The following ZNF132 variants were observed in gnomAD, a reference collection of about 807,000 sequenced individuals.
ZNF132 encodes the protein zinc finger protein 132 (clone pHZ-12).
ZNF132 carries 6 observed loss-of-function variants against 9.3 expected under a neutral mutation model. The observed-to-expected ratio is 0.65, with a 90% CI of 0.35 to 1.28. The LOEUF (loss-of-function observed/expected upper bound fraction) is 1.28, where lower values mean the gene tolerates loss of function less well. ZNF132 is among the 50% of genes most tolerant of loss of function. The pLI is 0.03. For missense variants in ZNF132, 877 were observed against 843.2 expected (o/e 1.04, Z -0.50); for synonymous variants, 296 against 292.0 (o/e 1.01, Z -0.14).
chr19:58,439,692 A>G, intron 1 of ZNF132, 67 bp downstream of exon 1: 5 of 1,457,822 alleles, frequency 3.4e-6, no homozygotes, highest in Non-Finnish European at 4.6e-6. Flanking sequence ...CATCCCCTCT[A>G]TCTGGGCTTC....
In ZNF132 at chr19:58,433,361, G is replaced by A. The variant is rs1335399675; in HGVS notation, c.2083C>T (p.Leu695Phe). Residue 695 changes from leucine to phenylalanine, a missense_variant, in exon 3 of 3, where the codon CTT becomes TTT. Coordinates refer to ENST00000254166, the MANE Select transcript of ZNF132 (RefSeq NM_003433.4). ...TTTTTATGCTGTGCAAGGTTACAAAGATGGCTGAAGAGTTTCCCACACTGG... is the reference window on the plus strand; with the variant it reads ...TTTTTATGCTGTGCAAGGTTACAAAAATGGCTGAAGAGTTTCCCACACTGG... ...CSQCGKLFSH[L>F]CNLAQHKKIH... The A allele has an allele frequency of 6.2e-7, 1 of 1,614,182 alleles. No homozygotes were observed. The highest frequency in any genetic ancestry group is 8.5e-7 in the Non-Finnish European group (1 of 1,180,020).
Position 58,434,818 on chromosome 19 carries a change from TGGA to T in ZNF132, c.623_625del (p.Leu208del). 6.2e-7 allele frequency: 1 copy of T among 1,614,196 alleles called. No individual in the cohort carries two copies. Among genetic ancestry groups the T allele is most frequent in the South Asian group, 1.1e-5 (1 of 91,080 alleles). Reference sequence around the variant, plus strand: ...CTGCCCACTGTCAACAGCTTGAAGCTGGAGGAGGTCACAGCTGCCCAGGATGAC... The same window carrying T: ...CTGCCCACTGTCAACAGCTTGAAGCTGGAGGTCACAGCTGCCCAGGATGAC... On this transcript the variant is annotated inframe_deletion, in exon 3 of 3. Transcript: ENST00000254166.
chr19:58,439,955 T>A lies in ZNF132; in HGVS notation c.-134A>T. The A allele has an allele frequency of 1.1e-6, 1 of 895,634 alleles. No homozygotes were observed. The highest frequency in any genetic ancestry group is 3.1e-4 in the Middle Eastern group (1 of 3,246). The allele number at this position is 895,634 out of a possible 1,614,324, so 55.5% of individuals were successfully genotyped here. Reference sequence around the variant, plus strand: ...CTCTGGGCACCGCAGGGACGAAGGCTGGGTATGGAGACCCTGGAGACGCGT... The same window carrying A: ...CTCTGGGCACCGCAGGGACGAAGGCAGGGTATGGAGACCCTGGAGACGCGT... On this transcript the variant is annotated 5_prime_UTR_variant, in exon 1 of 3. Transcript: ENST00000254166.
rs540412861 is a variant in ZNF132 at position 58,438,559 on chromosome 19, C to T, written c.63+1200G>A. ...CGCGATCTTGGCTCACTGCAAGCTC[C>T]GCCTCCCGGGTTCAAGCCATTCTCC... On this transcript the variant is annotated intron_variant, in intron 1 of 2. Coordinates refer to ENST00000254166, the MANE Select transcript of ZNF132 (RefSeq NM_003433.4). Among the ~76,000 whole-genome samples, 35 of 151,108 alleles carry T rather than the reference C, an allele frequency of 2.3e-4. 1 individual carries two copies. The East Asian group carries it at 5.6e-3, about 24-fold the overall frequency.
In ZNF132 at chr19:58,434,428, C is replaced by T; in HGVS notation, c.1016G>A (p.Arg339Lys). The stretch of plus-strand genomic sequence containing the variant: ...ATAAGGTCTTTCTCCTGAGTGAATT[C>T]TCTGATGATGAACAAATGTGAGTTT... ...NHKLTFVHHQ[R>K]IHSGERPYEC... The change falls in exon 3 of 3, where the codon AGA becomes AAA. Residue 339 changes from arginine (R) to lysine (K), a missense_variant. By Grantham distance (26) the Arg-to-Lys change is conservative. Coordinates refer to ENST00000254166, the MANE Select transcript of ZNF132 (RefSeq NM_003433.4). The T allele has an allele frequency of 6.2e-7, 1 of 1,614,242 alleles. No homozygotes were observed. Among genetic ancestry groups the T allele is most frequent in the Non-Finnish European group, 8.5e-7 (1 of 1,180,040 alleles).
chr19:58,436,422 T>C (rs1475043834), intron 2 of ZNF132: 1 of 155,760 alleles, frequency 6.4e-6, no homozygotes, highest in Non-Finnish European at 1.4e-5. Context: ...ATCCCAGCAC[T>C]TTGGGAGGCT....
At position 58,433,945 on chromosome 19, in the gene ZNF132, G is replaced by A. The variant is rs150997705; in HGVS notation, c.1499C>T (p.Ser500Phe). 2 of 1,614,144 alleles carry A rather than the reference G, an allele frequency of 1.2e-6. No homozygotes were observed. The highest frequency in any genetic ancestry group is 1.3e-5 in the African/African-American group (1 of 75,008). Reference sequence around the variant, plus strand: ...TACTTTCTGGTGCTGGATGAGGGTGGAGCTATTACTGAAGGCTTTACCACA... The same window carrying A: ...TACTTTCTGGTGCTGGATGAGGGTGAAGCTATTACTGAAGGCTTTACCACA... ...CDCGKAFSNS[S>F]TLIQHQKVHT... Residue 500 changes from serine to phenylalanine, a missense_variant, in exon 3 of 3, where the codon TCC (serine) becomes TTC (phenylalanine). Ser to Phe is a radical substitution (Grantham distance 155). Coordinates refer to ENST00000254166, the MANE Select transcript of ZNF132 (RefSeq NM_003433.4).
In ZNF132 at chr19:58,435,128, C is replaced by A; in HGVS notation, c.316G>T (p.Ala106Ser). The A allele has an allele frequency of 6.2e-7, 1 of 1,614,186 alleles. No individual in the cohort carries two copies. The highest frequency in any genetic ancestry group is 8.5e-7 in the Non-Finnish European group (1 of 1,180,036). Residue 106 changes from alanine to serine, a missense_variant, in exon 3 of 3, where the codon GCA becomes TCA. Transcript: ENST00000254166. Reference sequence around the variant, plus strand: ...TTAGCTTTCTTGGTGGAAGGATCTGCATTAGGGATCCTGACCTGTAACACT... The same window carrying A: ...TTAGCTTTCTTGGTGGAAGGATCTGAATTAGGGATCCTGACCTGTAACACT... ...VEVLQVRIPN[A>S]DPSTKKANSC...
Position 58,433,633 on chromosome 19 carries a change from C to T in ZNF132, c.1811G>A (p.Cys604Tyr). ...GGATTTTCGGCTAAAGAATTTCCCA[C>T]ATTCACTGCATTTATAAGGCTTTTC... ...TGEKPYKCSECGKFFSRKSSL... is the reference protein window; with the variant it reads ...TGEKPYKCSEYGKFFSRKSSL... Residue 604 changes from cysteine (C) to tyrosine (Y), a missense_variant, in exon 3 of 3, where the codon TGT (cysteine) becomes TAT (tyrosine). By Grantham distance (194) the Cys-to-Tyr change is radical. Transcript: ENST00000254166. The T allele has an allele frequency of 6.2e-7, 1 of 1,614,226 alleles. No homozygotes were observed.
chr19:58,438,940 T>A (rs2052787477), intron 1 of ZNF132, among the ~76,000 whole-genome samples: 1 of 151,808 alleles, frequency 6.6e-6, no homozygotes, highest in Non-Finnish European at 1.5e-5. Context: ...CCTGGCTAAT[T>A]TTTCTGTATT....
Position 58,434,657 on chromosome 19 carries a change from G to C in ZNF132, c.787C>G (p.Pro263Ala). ...NHLRTHSEEI[P>A]FTCPTGGNFL... Reference sequence around the variant, plus strand: ...TTTCCACCTGTTGGGCATGTAAATGGTATCTCTTCAGAGTGAGTTCTCAGA... The same window carrying C: ...TTTCCACCTGTTGGGCATGTAAATGCTATCTCTTCAGAGTGAGTTCTCAGA... The change falls in exon 3 of 3, where the codon CCA becomes GCA. Residue 263 changes from proline to alanine, a missense_variant. By Grantham distance (27) the Pro-to-Ala change is conservative. Transcript: ENST00000254166. 2 of 1,614,194 alleles carry C rather than the reference G, an allele frequency of 1.2e-6. No homozygotes were observed. Among genetic ancestry groups the C allele is most frequent in the East Asian group, 2.2e-5 (1 of 44,888 alleles).
intron 2 of ZNF132, chr19:58,435,783 A>T (rs900202827): frequency 2.0e-5 from 3 of 152,726 alleles, no homozygotes; most frequent in South Asian, 2.1e-4. Flanking sequence ...GAATTTTTTT[A>T]AAATTTGAGA....
chr19:58,434,043 GTC>G lies in ZNF132; in HGVS notation c.1399_1400del (p.Asp467LeufsTer21). On this transcript the variant is annotated frameshift_variant, in exon 3 of 3. Coordinates refer to ENST00000254166, the MANE Select transcript of ZNF132 (RefSeq NM_003433.4). LOFTEE classifies it low-confidence loss of function (END_TRUNC). ...GAAGGAGATGGGAGCTTTGGCTGAA[GTC>G]TCTTCCACATTCACTGCACTCAAAA... is the stretch of plus-strand genomic sequence containing the variant. ...RPFECSECGRDFSQSSHLLRH... is the reference protein window; with the variant it reads ...RPFECSECGRXFSQSSHLLRH... 6.2e-7 allele frequency: 1 copy of G among 1,614,156 alleles called. No homozygotes were observed. Among genetic ancestry groups the G allele is most frequent in the Non-Finnish European group, 8.5e-7 (1 of 1,180,016 alleles).
At position 58,433,563 on chromosome 19, in the gene ZNF132, G is replaced by T. The variant is rs201376086; in HGVS notation, c.1881C>A (p.Tyr627Ter). The T allele has an allele frequency of 1.9e-6, 3 of 1,614,020 alleles. No homozygotes were observed. The highest frequency in any genetic ancestry group is 1.7e-5 in the Admixed American group (1 of 60,024). Residue 627 changes from tyrosine to a stop codon, truncating the protein, a stop_gained, in exon 3 of 3, where the codon TAC becomes TAA. Transcript: ENST00000254166. LOFTEE classifies it low-confidence loss of function (END_TRUNC). ...AGGCTCTCCCACATTCACTGCATTCGTAAGGCCTTTCTCCAGTGTGAACTC... is the reference window on the plus strand; with the variant it reads ...AGGCTCTCCCACATTCACTGCATTCTTAAGGCCTTTCTCCAGTGTGAACTC... Reference protein sequence around the residue: ...HWRVHTGERPYECSECGRAFS... With the variant: ...HWRVHTGERP
Position 58,435,071 on chromosome 19 carries a change from C to T in ZNF132, c.373G>A (p.Asp125Asn), listed in dbSNP as rs138271050. 27 of 1,614,020 alleles carry T rather than the reference C, an allele frequency of 1.7e-5. No homozygotes were observed. The highest frequency in any genetic ancestry group is 2.3e-5 in the Non-Finnish European group (27 of 1,180,044). The change falls in exon 3 of 3, where the codon GAC (aspartate) becomes AAC (asparagine). Residue 125 changes from aspartate to asparagine, a missense_variant. Asp to Asn is a conservative substitution (Grantham distance 23, BLOSUM62 1). Coordinates refer to ENST00000254166, the MANE Select transcript of ZNF132 (RefSeq NM_003433.4). ...SCDMCGPFLK[D>N]ILHLAEHQGT... The stretch of plus-strand genomic sequence containing the variant: ...TGATGCTCAGCCAGGTGCAAAATGT[C>T]TTTCAAGAATGGCCCACACATGTCA...
intron 2 of ZNF132, 102 bp from the exon 3 acceptor site, chr19:58,435,313 C>G: frequency 4.4e-6 from 6 of 1,366,750 alleles, no homozygotes; most frequent in Non-Finnish European, 5.9e-6. Flanking sequence ...GAAGAGGTCC[C>G]AGGGATTGCT....
chr19:58,433,329 A>G lies in ZNF132; in HGVS notation c.2115T>C (p.His705=), dbSNP rs894309926. Residue 705 remains histidine (H), a synonymous_variant, in exon 3 of 3, where the codon CAT becomes CAC. Coordinates refer to ENST00000254166, the MANE Select transcript of ZNF132 (RefSeq NM_003433.4). ...LCNLAQHKKI[H]T ...CACTTCCATAAGGCTCCACTCAGGT[A>G]TGAATCTTTTTATGCTGTGCAAGGT... 5.6e-6 allele frequency: 9 copies of G among 1,610,930 alleles called. No individual in the cohort carries two copies. The highest frequency in any genetic ancestry group is 2.2e-5 in the East Asian group (1 of 44,834).
intron 1 of ZNF132, 116 bp from the exon 2 acceptor site, chr19:58,437,331 C>T: frequency 1.7e-6 from 2 of 1,205,732 alleles, no homozygotes; most frequent in Non-Finnish European, 2.3e-6. Flanking sequence ...TCTCAGTCCA[C>T]CCACTACTCA....
chr19:58,435,350 G>A (rs1359219897), intron 2 of ZNF132, 139 bp from the exon 3 acceptor site: 2 of 934,584 alleles, frequency 2.1e-6, no homozygotes, highest in Admixed American at 2.9e-5. Context: ...CATCATCAGG[G>A]TGAAGAAGGG....
Sources: gnomAD v4.1 joint callset for allele counts (sites outside exome capture counted in the v4.1 genomes callset) on GRCh38, gnomAD v4.1.1 for gene constraint, MANE v1.5 for transcripts, NCBI Gene and HGNC (gene_info 2026-07-23, HGNC 2026-07-21) for gene names.